Variants in SLC35E4 observed in about 807,000 individuals in gnomAD.
SLC35E4 encodes solute carrier family 35 member E4.
A neutral mutation model predicts 19.3 loss-of-function variants in SLC35E4; 15 were observed. That is an observed-to-expected ratio of 0.78 (90% CI 0.52 to 1.20). The LOEUF is 1.20. Among genes scored for constraint, SLC35E4 ranks in the 50% most tolerant of loss-of-function variants. SLC35E4 has a pLI of 0.00. For synonymous variants in SLC35E4, 219 were observed against 219.9 expected (o/e 1.00, Z 0.04); for missense variants, 406 against 472.3 (o/e 0.86, Z 1.30).
downstream of SLC35E4, chr22:30,667,496 G>C (rs2088720938): frequency 6.6e-6 from 1 of 152,272 alleles, no homozygotes; most frequent in South Asian, 2.1e-4. Flanking sequence ...GGTTCGCTCA[G>C]GAAGTAGCCG....
At chr22:30,662,163 AAG>A (rs1202217104) in exon 3 of SLC35E4, 1 of 152,150 alleles carries the variant, frequency 6.6e-6, no homozygotes, top group African/African-American at 2.4e-5. Flanking sequence ...AGCAGGGTGA[AAG>A]AGTCTATCAT....
downstream of SLC35E4, chr22:30,652,419 T>C (rs963220102): frequency 6.6e-6 from 1 of 152,210 alleles, no homozygotes; most frequent in Admixed American, 6.5e-5. Context: ...TAGTCCTATA[T>C]AGGCAATCTA....
chr22:30,637,099 T>C (rs1250653164), intron 1 of SLC35E4, 30 bp downstream of exon 1: 3 of 1,538,842 alleles, frequency 1.9e-6, no homozygotes, highest in Non-Finnish European at 2.6e-6. Flanking sequence ...ATTGAGAAGG[T>C]GGGGGTCCGG....
chr22:30,654,574 G>A, intron 2 of SLC35E4: 1 of 457,362 alleles, frequency 2.2e-6, no homozygotes, highest in Non-Finnish European at 4.4e-6. Flanking sequence ...GCCAGAAGAT[G>A]CGGCTGGGGA....
chr22:30,642,173 C>A (rs968170092), intron 1 of SLC35E4, among the ~76,000 whole-genome samples: 6 of 151,352 alleles, frequency 4.0e-5, no homozygotes, highest in Non-Finnish European at 8.8e-5. Flanking sequence ...CCATGCCCAG[C>A]TAATTTTTGT....
At chr22:30,643,164 T>C (rs189986743) in intron 1 of SLC35E4, among the ~76,000 whole-genome samples, 95 of 152,248 alleles carry the variant, frequency 6.2e-4, no homozygotes, top group African/African-American at 2.1e-3. Flanking sequence ...GCCATCCTCC[T>C]ACCCACAGAA....
Position 30,637,074 on chromosome 22 carries a change from G to T in SLC35E4, c.619+5G>T. On this transcript the variant is annotated splice_donor_5th_base_variant and intron_variant, in intron 1 of 1. Coordinates refer to ENST00000343605, the MANE Select transcript of SLC35E4 (RefSeq NM_001001479.4). ...GACTCAAGTCGGTTCAGCAAAGTAA[G>T]TGCCTGGGTGGCCAATTGAGAAGGT... 6.4e-7 allele frequency: 1 copy of T among 1,551,320 alleles called. No homozygotes were observed. Among genetic ancestry groups the T allele is most frequent in the Non-Finnish European group, 8.7e-7 (1 of 1,144,626 alleles).
downstream of SLC35E4, chr22:30,663,739 G>C (rs752176388): frequency 1.9e-6 from 3 of 1,614,202 alleles, no homozygotes; most frequent in Admixed American, 5.0e-5. Context: ...CTGTGGATAT[G>C]GTCAGCAATA....
At chr22:30,645,393 G>A (rs1343190938) in intron 1 of SLC35E4, among the ~76,000 whole-genome samples, 2 of 152,082 alleles carry the variant, frequency 1.3e-5, no homozygotes, top group South Asian at 2.1e-4. Flanking sequence ...TCAGGAGTTC[G>A]AGACCAGCCT....
At chr22:30,639,976 A>G (rs1301987711) in intron 1 of SLC35E4, among the ~76,000 whole-genome samples, 1 of 129,034 alleles carries the variant, frequency 7.7e-6, no homozygotes, top group East Asian at 2.9e-4. Flanking sequence ...TGTCCATGAA[A>G]TCTTCACAAT....
intron 2 of SLC35E4, among the ~76,000 whole-genome samples, chr22:30,659,399 G>A (rs2088414809): frequency 6.6e-6 from 1 of 151,992 alleles, no homozygotes; most frequent in African/African-American, 2.4e-5. Flanking sequence ...TTGAGATGGA[G>A]TTTCACTCTT....
rs139117842 is a variant in SLC35E4 at position 30,657,557 on chromosome 22, G to A, written c.*9-4503G>A. 5.3e-5 allele frequency among the ~76,000 whole-genome samples: 8 copies of A among 151,918 alleles called. No homozygotes were observed. In the East Asian group the frequency reaches 1.6e-3, roughly 30 times the overall value. On this transcript the variant is annotated intron_variant, in intron 2 of 2. Transcript: ENST00000406566. ...GTAGATCACTTGAGCCCAGGAATTT[G>A]AGACCAGCCTGGGAAATATGGTGAG...
At chr22:30,638,011 C>G (rs2087977593) in intron 1 of SLC35E4, among the ~76,000 whole-genome samples, 1 of 152,140 alleles carries the variant, frequency 6.6e-6, no homozygotes, top group Admixed American at 6.5e-5. Context: ...CTTGAGTTGT[C>G]ATGGCAACCA....
chr22:30,659,196 G>A (rs978892822), intron 2 of SLC35E4, among the ~76,000 whole-genome samples: 1 of 151,120 alleles, frequency 6.6e-6, no homozygotes, highest in Non-Finnish European at 1.5e-5. Context: ...GGAGACAGAT[G>A]AGGATCGAAC....
chr22:30,657,952 A>G (rs559560190), intron 2 of SLC35E4, among the ~76,000 whole-genome samples: 34 of 130,842 alleles, frequency 2.6e-4, no homozygotes, highest in East Asian at 1.2e-3. Flanking sequence ...TAATAATAAT[A>G]ATGATTAGCT....
chr22:30,651,425 ATATTTTTTTTTTTT>A (rs1569062138), downstream of SLC35E4, among the ~76,000 whole-genome samples: 1 of 27,446 alleles, frequency 3.6e-5, no homozygotes, highest in Non-Finnish European at 6.2e-5. Flanking sequence ...ATATATATAT[ATATTTTTTTTTTTT>A]TTTTTTTTTT....
At chr22:30,642,254 C>T (rs1417484506) in intron 1 of SLC35E4, among the ~76,000 whole-genome samples, 1 of 151,846 alleles carries the variant, frequency 6.6e-6, no homozygotes, top group Non-Finnish European at 1.5e-5. Flanking sequence ...AAGTGATTTA[C>T]CCACCTCGGC....
At position 30,647,855 on chromosome 22, in the gene SLC35E4, T is replaced by C. The variant is rs2088161380; in HGVS notation, c.*824T>C. The C allele has an allele frequency of 6.6e-6, 1 of 152,366 alleles. No individual in the cohort carries two copies. Among genetic ancestry groups the C allele is most frequent in the African/African-American group, 2.4e-5 (1 of 41,408 alleles). The allele number at this position is 152,366 out of a possible 1,614,324, so 9.4% of individuals were successfully genotyped here. ...GGCCTCACCCCTGGGCCCCCCAATT[T>C]TGGGTCATCCATCCTCAAATACACT... is the stretch of plus-strand genomic sequence containing the variant. On this transcript the variant is annotated 3_prime_UTR_variant, in exon 2 of 2. Coordinates refer to ENST00000343605, the MANE Select transcript of SLC35E4 (RefSeq NM_001001479.4).
chr22:30,641,721 T>G (rs1167907102), intron 1 of SLC35E4, among the ~76,000 whole-genome samples: 3 of 20,916 alleles, frequency 1.4e-4, no homozygotes, highest in Admixed American at 1.2e-3. Context: ...ATTTTTAATT[T>G]TTTTTTTTTT....
Sources: gnomAD v4.1 joint callset for allele counts (sites outside exome capture counted in the v4.1 genomes callset) on GRCh38, gnomAD v4.1.1 for gene constraint, MANE v1.5 for transcripts, NCBI Gene and HGNC (gene_info 2026-07-23, HGNC 2026-07-21) for gene names.